Variants in RIMS2 observed in about 807,000 individuals in gnomAD.
RIMS2 encodes regulating synaptic membrane exocytosis 2.
Under a neutral mutation model 174.4 loss-of-function variants are expected in RIMS2, and 59 were observed. That is an observed-to-expected ratio of 0.34 (90% confidence interval 0.27 to 0.42). The LOEUF (loss-of-function observed/expected upper bound fraction) is 0.42, where lower values mean the gene tolerates loss of function less well. RIMS2 is among the 10% of genes least tolerant of loss of function. RIMS2 has a pLI of 1.00. For synonymous variants in RIMS2, 606 were observed against 572.5 expected (o/e 1.06, Z -0.84); for missense variants, 1,620 against 1,666.3 (o/e 0.97, Z 0.48).
intron 2 of RIMS2, among the ~76,000 whole-genome samples, chr8:103,702,510 C>T (rs946466275): frequency 8.9e-5 from 13 of 146,118 alleles, no homozygotes; most frequent in Admixed American, 8.0e-4. Flanking sequence ...TTTGCCTAGA[C>T]CATGTTTACT....
chr8:103,811,813 C>T (rs2098689597), intron 3 of RIMS2, among the ~76,000 whole-genome samples: 1 of 152,202 alleles, frequency 6.6e-6, no homozygotes, highest in Non-Finnish European at 1.5e-5. Context: ...ATTAAAGCAA[C>T]CTAGTAATAC....
chr8:104,099,338 A>G (rs1351472734), intron 19 of RIMS2, among the ~76,000 whole-genome samples: 1 of 152,184 alleles, frequency 6.6e-6, no homozygotes, highest in Non-Finnish European at 1.5e-5. Flanking sequence ...TCCTCCACCA[A>G]GTATTACCTG....
chr8:103,753,965 T>G (rs1217580522), intron 2 of RIMS2, among the ~76,000 whole-genome samples: 1 of 152,216 alleles, frequency 6.6e-6, no homozygotes, highest in African/African-American at 2.4e-5. Flanking sequence ...TCTTGCCTTC[T>G]GCTAGCTTTT....
chr8:104,019,464 A>G (rs2096025534), intron 19 of RIMS2, among the ~76,000 whole-genome samples: 1 of 152,090 alleles, frequency 6.6e-6, no homozygotes, highest in Non-Finnish European at 1.5e-5. Flanking sequence ...ATGCCATTAC[A>G]TATATTGTAC....
At chr8:103,981,363 C>T (rs1056461130) in intron 16 of RIMS2, among the ~76,000 whole-genome samples, 5 of 152,160 alleles carry the variant, frequency 3.3e-5, no homozygotes, top group Non-Finnish European at 7.3e-5. Context: ...CTGCAAAAAA[C>T]ACAGCATTAT....
intron 19 of RIMS2, among the ~76,000 whole-genome samples, chr8:104,081,443 A>T (rs1566245527): frequency 6.6e-6 from 1 of 151,974 alleles, no homozygotes; most frequent in Non-Finnish European, 1.5e-5. Flanking sequence ...GTGTTATTTT[A>T]ATGCTGTTTT....
intron 19 of RIMS2, among the ~76,000 whole-genome samples, chr8:104,175,397 T>C (rs1464374969): frequency 6.6e-6 from 1 of 152,174 alleles, no homozygotes; most frequent in Non-Finnish European, 1.5e-5. Flanking sequence ...GTAACAATCA[T>C]ATCAGGGTAA....
chr8:104,079,597 T>TTA (rs2097367093), intron 19 of RIMS2, among the ~76,000 whole-genome samples: 2 of 51,734 alleles, frequency 3.9e-5, no homozygotes, highest in African/African-American at 1.3e-4. Flanking sequence ...GGATTAAGCA[T>TTA]GATATATATA....
chr8:103,943,241 G>T, intron 14 of RIMS2, among the ~76,000 whole-genome samples: 1 of 152,004 alleles, frequency 6.6e-6, no homozygotes, highest in Non-Finnish European at 1.5e-5. Flanking sequence ...GGAATAAGAT[G>T]GCTAATATGA....
intron 3 of RIMS2, among the ~76,000 whole-genome samples, chr8:103,831,079 G>A (rs533907790): frequency 1.5e-4 from 23 of 152,312 alleles, no homozygotes; most frequent in Non-Finnish European, 2.6e-4. Flanking sequence ...AAAGTACTGG[G>A]ATTACAGGCA....
At chr8:104,164,568 T>C (rs1167679476) in intron 19 of RIMS2, among the ~76,000 whole-genome samples, 3 of 152,144 alleles carry the variant, frequency 2.0e-5, no homozygotes, top group Non-Finnish European at 2.9e-5. Flanking sequence ...CCACCAATGA[T>C]AGACTGGATA....
chr8:103,660,401 G>A (rs900640023), intron 1 of RIMS2, among the ~76,000 whole-genome samples: 7 of 152,188 alleles, frequency 4.6e-5, no homozygotes, highest in Non-Finnish European at 7.3e-5. Context: ...GGTACCTTCT[G>A]TAGGTGCCAT....
At chr8:104,053,660 AT>A (rs2096825094) in intron 19 of RIMS2, among the ~76,000 whole-genome samples, 1 of 152,214 alleles carries the variant, frequency 6.6e-6, no homozygotes, top group African/African-American at 2.4e-5. Context: ...TTAACACTGT[AT>A]TCGGTACTAT....
chr8:103,856,622 C>T (rs1221670604), intron 3 of RIMS2, among the ~76,000 whole-genome samples: 2 of 152,158 alleles, frequency 1.3e-5, no homozygotes, highest in Admixed American at 1.3e-4. Context: ...AGTTTATGCA[C>T]ATAGTTTATG....
intron 1 of RIMS2, among the ~76,000 whole-genome samples, chr8:103,590,849 G>A (rs72677686): frequency 0.18 from 26,513 of 150,850 alleles, 2,529 homozygotes; most frequent in African/African-American, 0.23. Context: ...CTAATTTGTG[G>A]TTCTTGTTGA....
chr8:104,078,641 A>G (rs904062554), intron 19 of RIMS2, among the ~76,000 whole-genome samples: 2 of 152,258 alleles, frequency 1.3e-5, no homozygotes, highest in African/African-American at 4.8e-5. Flanking sequence ...AACACAATTC[A>G]GTCTATAACA....
chr8:103,905,325 T>A (rs2074141245), intron 4 of RIMS2, among the ~76,000 whole-genome samples: 3 of 152,100 alleles, frequency 2.0e-5, no homozygotes, highest in Admixed American at 2.0e-4. Context: ...AGAATGTATT[T>A]CTCATTCATT....
Position 104,051,880 on chromosome 8 carries a change from C to G in RIMS2, c.3334+37265C>G, listed in dbSNP as rs181653755. On this transcript the variant is annotated intron_variant, in intron 19 of 23. Coordinates refer to ENST00000504942, the Ensembl canonical transcript of RIMS2. Reference sequence around the variant, plus strand: ...TACATGCAAAGCTCTTAGCACAATTCCTGGGATATACAGAGTATTATTCTT... The same window carrying G: ...TACATGCAAAGCTCTTAGCACAATTGCTGGGATATACAGAGTATTATTCTT... Among the ~76,000 whole-genome samples the G allele has an allele frequency of 2.0e-5, 3 of 152,188 alleles. No homozygotes were observed. The East Asian group carries it at 5.8e-4, about 29-fold the overall frequency.
chr8:103,549,129 G>C (rs1453877684), intron 1 of RIMS2, among the ~76,000 whole-genome samples: 2 of 152,032 alleles, frequency 1.3e-5, no homozygotes, highest in African/African-American at 4.8e-5. Flanking sequence ...ACGCCACCAA[G>C]ATACTCCTCG....
Sources: allele counts gnomAD v4.1 joint callset (sites outside exome capture counted in the v4.1 genomes callset), GRCh38; gene constraint gnomAD v4.1.1; transcripts MANE v1.5; gene names NCBI Gene and HGNC (gene_info 2026-07-23, HGNC 2026-07-21).